TMEM135: variants seen among roughly 807,000 people sequenced by gnomAD.
TMEM135 encodes the protein transmembrane protein 135.
In TMEM135, 30 loss-of-function variants were observed where a neutral mutation model predicts 60.3. The ratio of observed to expected loss-of-function variants is 0.50; its 90% CI spans 0.37 to 0.68. TMEM135 has a LOEUF of 0.68. Among genes scored for constraint, TMEM135 ranks in the 30% least tolerant of loss-of-function variants. The pLI, the probability that TMEM135 is intolerant of heterozygous loss-of-function variation, is 0.00. For missense variants in TMEM135, 468 were observed against 548.8 expected (o/e 0.85, Z 1.47); for synonymous variants, 190 against 186.7 (o/e 1.02, Z -0.14).
At chr11:87,191,171 A>G (rs1939789201) in intron 5 of TMEM135, among the ~76,000 whole-genome samples, 2 of 151,910 alleles carry the variant, frequency 1.3e-5, no homozygotes, top group Admixed American at 6.5e-5. Flanking sequence ...GTGTCCTAAG[A>G]TAGGGCAAGG....
chr11:87,185,041 CAGTCTTCT>C (rs1420347034), intron 5 of TMEM135, among the ~76,000 whole-genome samples: 2 of 152,156 alleles, frequency 1.3e-5, no homozygotes, highest in Non-Finnish European at 2.9e-5. Context: ...CACTGATTGC[CAGTCTTCT>C]TTATATCCCT....
intron 1 of TMEM135, among the ~76,000 whole-genome samples, chr11:87,049,785 G>T (rs1949825471): frequency 1.0e-5 from 1 of 96,500 alleles, no homozygotes; most frequent in South Asian, 3.4e-4. Flanking sequence ...AGGATACCCA[G>T]GAATTGAACT....
chr11:87,073,032 C>CTTAT (rs942642327), intron 3 of TMEM135, among the ~76,000 whole-genome samples: 1 of 151,822 alleles, frequency 6.6e-6, no homozygotes, highest in Non-Finnish European at 1.5e-5. Context: ...GCCACTCTTA[C>CTTAT]TTATTTATTT....
intron 4 of TMEM135, among the ~76,000 whole-genome samples, chr11:87,134,995 A>G (rs1050871230): frequency 6.6e-6 from 1 of 152,198 alleles, no homozygotes; most frequent in Non-Finnish European, 1.5e-5. Context: ...ATGATAAATA[A>G]AAAATTAAAT....
At chr11:87,159,617 A>ACC (rs1555112002) in intron 5 of TMEM135, among the ~76,000 whole-genome samples, 2 of 149,342 alleles carry the variant, frequency 1.3e-5, no homozygotes, top group African/African-American at 5.0e-5. Flanking sequence ...ACACACACAC[A>ACC]CCATAGATTT....
At chr11:87,051,208 C>G (rs1949839018) in intron 1 of TMEM135, among the ~76,000 whole-genome samples, 1 of 47,520 alleles carries the variant, frequency 2.1e-5, no homozygotes, top group Non-Finnish European at 3.2e-5. Context: ...CAGCCAATAT[C>G]ATACTGAATG....
intron 6 of TMEM135, among the ~76,000 whole-genome samples, chr11:87,276,533 T>C (rs1941969487): frequency 6.6e-6 from 1 of 151,696 alleles, no homozygotes; most frequent in Non-Finnish European, 1.5e-5. Context: ...CACACACATA[T>C]ATACTTAAGT....
At position 87,143,330 on chromosome 11, in the gene TMEM135, A is replaced by T. The variant is rs80327449; in HGVS notation, c.397-14011A>T. On this transcript the variant is annotated intron_variant, in intron 4 of 14. Transcript: ENST00000305494. ...AAATGCAATACCTGGACCCATTTGG[A>T]TTCAGTCTTCATTGACTTCTTTTCT... Among the ~76,000 whole-genome samples the T allele has an allele frequency of 1.2e-3, 173 of 149,204 alleles. 3 individuals carry two copies. In the East Asian group the frequency reaches 0.029, roughly 25 times the overall value.
At chr11:87,107,229 C>A (rs1196352984) in intron 4 of TMEM135, among the ~76,000 whole-genome samples, 2 of 151,962 alleles carry the variant, frequency 1.3e-5, no homozygotes, top group Non-Finnish European at 2.9e-5. Flanking sequence ...TTATCCATTT[C>A]TTTTAGGTTA....
intron 6 of TMEM135, among the ~76,000 whole-genome samples, chr11:87,247,905 C>G (rs1000153910): frequency 6.6e-6 from 1 of 152,046 alleles, no homozygotes; most frequent in Non-Finnish European, 1.5e-5. Context: ...GAGATAAACC[C>G]GGTACCTCAG....
intron 6 of TMEM135, among the ~76,000 whole-genome samples, chr11:87,239,892 G>A (rs1299069826): frequency 3.3e-5 from 5 of 151,988 alleles, no homozygotes; most frequent in African/African-American, 7.2e-5. Context: ...AAACTATAAT[G>A]TGTAATGAAA....
chr11:87,229,895 A>G (rs1394543198), intron 5 of TMEM135, among the ~76,000 whole-genome samples: 1 of 152,054 alleles, frequency 6.6e-6, no homozygotes, highest in African/African-American at 2.4e-5. Flanking sequence ...TTTATCATGT[A>G]CATGCATTAC....
At chr11:87,179,216 TATTGTCTTATTACTGA>T (rs916474481) in intron 5 of TMEM135, among the ~76,000 whole-genome samples, 134 of 152,338 alleles carry the variant, frequency 8.8e-4, no homozygotes, top group African/African-American at 3.0e-3. Flanking sequence ...TCATGGGGTT[TATTGTCTTATTACTGA>T]ATTGCAGGAG....
intron 3 of TMEM135, among the ~76,000 whole-genome samples, chr11:87,086,898 C>T (rs1857107867): frequency 1.3e-5 from 2 of 152,160 alleles, no homozygotes; most frequent in Admixed American, 1.3e-4. Context: ...TTGACTGCCT[C>T]CTGCTGCTAT....
chr11:87,319,170 A>T, intron 13 of TMEM135, 140 bp from the exon 14 acceptor site: 1 of 761,260 alleles, frequency 1.3e-6, no homozygotes, highest in Non-Finnish European at 2.3e-6. Context: ...TGCCCAGCCA[A>T]AAGCAACATT....
chr11:87,226,736 C>A (rs1940772570), intron 5 of TMEM135, among the ~76,000 whole-genome samples: 1 of 152,038 alleles, frequency 6.6e-6, no homozygotes, highest in South Asian at 2.1e-4. Context: ...TGTTTAGTGG[C>A]CTTGAAGGTA....
At chr11:87,046,712 G>C (rs776145487) in intron 1 of TMEM135, among the ~76,000 whole-genome samples, 1 of 152,176 alleles carries the variant, frequency 6.6e-6, no homozygotes, top group Non-Finnish European at 1.5e-5. Context: ...TATGGGTTAG[G>C]TCGACGAGGG....
In TMEM135 at chr11:87,313,598, G is replaced by A. The variant is rs934751386; in HGVS notation, c.1000+110G>A. ...TTCTATGAATCTTCCTTTCTCTATC[G>A]TAATAGAATTCCAGTTGAGGCACTT... On this transcript the variant is annotated intron_variant, in intron 11 of 14. Transcript: ENST00000305494. The A allele has an allele frequency of 3.2e-5, 31 of 972,292 alleles. 1 individual carries two copies. The highest frequency in any genetic ancestry group is 2.3e-4 in the Admixed American group (12 of 52,666). 60.2% of individuals were successfully genotyped at this position (972,292 alleles called of 1,614,324 possible). A position where few individuals can be genotyped will look rare whatever the true frequency, so the allele number is the denominator to read the frequency against.
In TMEM135 at chr11:87,094,538, C is replaced by G. The variant is rs371734469; in HGVS notation, c.396+3143C>G. 9.9e-5 allele frequency among the ~76,000 whole-genome samples: 15 copies of G among 152,232 alleles called. No homozygotes were observed. The South Asian group carries it at 3.1e-3, about 32-fold the overall frequency. Reference sequence around the variant, plus strand: ...TCCCTCCGCCTAGTCTTTCCTCTGTCTCATTAGAAATTACAGTATAGGCTA... The same window carrying G: ...TCCCTCCGCCTAGTCTTTCCTCTGTGTCATTAGAAATTACAGTATAGGCTA... On this transcript the variant is annotated intron_variant, in intron 4 of 14. Transcript: ENST00000305494.
Sources: allele counts gnomAD v4.1 joint callset (sites outside exome capture counted in the v4.1 genomes callset), GRCh38; gene constraint gnomAD v4.1.1; transcripts MANE v1.5; gene names NCBI Gene and HGNC (gene_info 2026-07-23, HGNC 2026-07-21).